CNTNAP2: variants seen among roughly 807,000 people sequenced by gnomAD.
CNTNAP2 encodes the protein contactin associated protein 2, also known as contactin-associated protein-like 2.
A neutral mutation model predicts 155.2 loss-of-function variants in CNTNAP2; 98 were observed. That is an observed-to-expected ratio of 0.63 (90% CI 0.54 to 0.75). The LOEUF (loss-of-function observed/expected upper bound fraction) is 0.75. Ranked by LOEUF, CNTNAP2 falls within the 30% of genes least tolerant of loss-of-function variation. The probability of loss-of-function intolerance (pLI) is 0.00; values close to 1 mark genes in which losing one functional copy is unlikely to be tolerated. For missense variants in CNTNAP2, 1,727 were observed against 1,688.1 expected (o/e 1.02, Z -0.40); for synonymous variants, 651 against 631.2 (o/e 1.03, Z -0.47).
intron 1 of CNTNAP2, among the ~76,000 whole-genome samples, chr7:146,599,950 C>G (rs981633312): frequency 6.6e-6 from 1 of 151,932 alleles, no homozygotes. Context: ...TTATATTTCC[C>G]GTTAATTTCC....
intron 1 of CNTNAP2, among the ~76,000 whole-genome samples, chr7:146,284,137 G>A (rs966141375): frequency 6.6e-6 from 1 of 152,136 alleles, no homozygotes; most frequent in South Asian, 2.1e-4. Context: ...TTGATGATTA[G>A]CTAGTGTTCG....
chr7:147,666,441 C>T (rs1403062925), intron 13 of CNTNAP2, among the ~76,000 whole-genome samples: 1 of 152,154 alleles, frequency 6.6e-6, no homozygotes, highest in Non-Finnish European at 1.5e-5. Flanking sequence ...TGCTTCCAGT[C>T]ATATAAAAGC....
At chr7:147,919,378 G>T (rs749548621) in intron 14 of CNTNAP2, among the ~76,000 whole-genome samples, 110 of 151,294 alleles carry the variant, frequency 7.3e-4, no homozygotes, top group Admixed American at 2.6e-3. Flanking sequence ...ACCTCCCTGG[G>T]CTCAGATGAT....
chr7:147,048,624 C>T (rs1446538923), intron 4 of CNTNAP2, among the ~76,000 whole-genome samples: 2 of 152,162 alleles, frequency 1.3e-5, no homozygotes, highest in East Asian at 1.9e-4. Context: ...TGTCAATATG[C>T]TCTAGCCACT....
intron 4 of CNTNAP2, among the ~76,000 whole-genome samples, chr7:147,048,627 T>C (rs1371322942): frequency 6.6e-6 from 1 of 152,242 alleles, no homozygotes; most frequent in African/African-American, 2.4e-5. Context: ...CAATATGCTC[T>C]AGCCACTAAC....
chr7:147,856,562 T>C (rs1188488535), intron 13 of CNTNAP2, among the ~76,000 whole-genome samples: 3 of 151,896 alleles, frequency 2.0e-5, no homozygotes, highest in Non-Finnish European at 2.9e-5. Flanking sequence ...AGGCTTTGCA[T>C]GTTTCAAGCG....
At chr7:147,422,105 ATATATATATATAGTATGTATATATACAG>A (rs1321234327) in intron 10 of CNTNAP2, among the ~76,000 whole-genome samples, 267 of 142,038 alleles carry the variant, frequency 1.9e-3, no homozygotes, top group Admixed American at 3.8e-3. Flanking sequence ...TATATACAGT[ATATATATATATAGTATGTATATATACAG>A]TATATATATA....
intron 8 of CNTNAP2, among the ~76,000 whole-genome samples, chr7:147,234,331 A>ATAC (rs1554455304): frequency 1.2e-5 from 1 of 80,092 alleles, no homozygotes; most frequent in Non-Finnish European, 2.3e-5. Flanking sequence ...TCCCAAGAGT[A>ATAC]TTCTTTTTTT....
intron 3 of CNTNAP2, among the ~76,000 whole-genome samples, chr7:146,912,914 C>T (rs1048422738): frequency 1.2e-4 from 19 of 152,130 alleles, no homozygotes; most frequent in African/African-American, 4.6e-4. Context: ...ATTTGATATA[C>T]TCATATGTTA....
intron 2 of CNTNAP2, among the ~76,000 whole-genome samples, chr7:146,779,575 T>C (rs1450511108): frequency 1.3e-5 from 2 of 152,218 alleles, no homozygotes; most frequent in East Asian, 3.9e-4. Flanking sequence ...AACCCAGTCA[T>C]GCAATCTCAG....
intron 3 of CNTNAP2, among the ~76,000 whole-genome samples, chr7:146,871,311 A>C (rs927410739): frequency 2.6e-5 from 4 of 152,032 alleles, no homozygotes; most frequent in African/African-American, 7.2e-5. Flanking sequence ...CGGGCAGGTC[A>C]CCTGAGGTCA....
chr7:147,323,736 A>G (rs1795397239), intron 9 of CNTNAP2, among the ~76,000 whole-genome samples: 1 of 152,212 alleles, frequency 6.6e-6, no homozygotes, highest in Non-Finnish European at 1.5e-5. Flanking sequence ...TCAATTATCC[A>G]TCATCCTAGC....
intron 1 of CNTNAP2, among the ~76,000 whole-genome samples, chr7:146,611,433 G>GA (rs774125130): frequency 4.6e-5 from 7 of 151,468 alleles, no homozygotes; most frequent in Non-Finnish European, 1.0e-4. Context: ...GTTTTAGTTG[G>GA]AAAAAAAATT....
chr7:147,639,454 C>A, intron 13 of CNTNAP2, 148 bp downstream of exon 13: 1 of 786,808 alleles, frequency 1.3e-6, no homozygotes, highest in Non-Finnish European at 2.1e-6. Context: ...AATCATTGGG[C>A]TTGTTTTCTG....
chr7:147,545,571 T>G (rs951640380), intron 11 of CNTNAP2, among the ~76,000 whole-genome samples: 1 of 152,156 alleles, frequency 6.6e-6, no homozygotes, highest in Admixed American at 6.6e-5. Flanking sequence ...TTGCTAGTCT[T>G]CCATAGGGTA....
intron 15 of CNTNAP2, among the ~76,000 whole-genome samples, chr7:148,081,303 A>G (rs1240275325): frequency 6.6e-6 from 1 of 152,154 alleles, no homozygotes; most frequent in Non-Finnish European, 1.5e-5. Flanking sequence ...GATTGGATTG[A>G]AGGATGCAAA....
intron 1 of CNTNAP2, among the ~76,000 whole-genome samples, chr7:146,529,835 C>T (rs546770873): frequency 6.6e-6 from 1 of 151,940 alleles, no homozygotes; most frequent in South Asian, 2.1e-4. Flanking sequence ...CATAGTAGCA[C>T]GTGCCTGTAA....
In CNTNAP2 at chr7:146,573,056, C is replaced by T. The variant is rs531547062; in HGVS notation, c.98-201215C>T. Among the ~76,000 whole-genome samples the T allele has an allele frequency of 1.1e-4, 16 of 152,204 alleles. No homozygotes were observed. The South Asian group carries it at 2.7e-3, about 26-fold the overall frequency. ...TTAGGGGTAAATATCAAGTGTTATG[C>T]GTCTCTTTGGGTCCTTCGATTTCTC... On this transcript the variant is annotated intron_variant, in intron 1 of 23. Transcript: ENST00000361727.
At chr7:147,858,431 G>A (rs1027148162) in intron 13 of CNTNAP2, among the ~76,000 whole-genome samples, 3 of 152,342 alleles carry the variant, frequency 2.0e-5, no homozygotes, top group African/African-American at 7.2e-5. Flanking sequence ...AAGCTTTCCA[G>A]TGCTAAAGCT....
Sources: allele counts gnomAD v4.1 joint callset (sites outside exome capture counted in the v4.1 genomes callset), GRCh38; gene constraint gnomAD v4.1.1; transcripts MANE v1.5; gene names NCBI Gene and HGNC (gene_info 2026-07-23, HGNC 2026-07-21).